The following SORCS2 variants were observed in gnomAD, a reference collection of about 807,000 sequenced individuals.
SORCS2 encodes VPS10 domain-containing receptor SorCS2.
A neutral mutation model predicts 141.6 loss-of-function variants in SORCS2; 100 were observed. That is an observed-to-expected ratio of 0.71 (90% CI 0.60 to 0.83). The LOEUF (loss-of-function observed/expected upper bound fraction) is 0.83, where lower values mean the gene tolerates loss of function less well. SORCS2 is among the 40% of genes least tolerant of loss of function. SORCS2 has a pLI of 0.00. For synonymous variants in SORCS2, 789 were observed against 676.9 expected, an observed-to-expected ratio of 1.17 and a Z score of -2.57; for missense variants, 1,646 against 1,560.2, an observed-to-expected ratio of 1.05 and a Z score of -0.93.
At chr4:7,451,360 C>G (rs1049006579) in intron 2 of SORCS2, among the ~76,000 whole-genome samples, 1 of 152,270 alleles carries the variant, frequency 6.6e-6, no homozygotes, top group Non-Finnish European at 1.5e-5. Context: ...GGCCAAGCCA[C>G]TGCCCTCCCT....
chr4:7,258,991 A>G (rs1183087249), intron 1 of SORCS2, among the ~76,000 whole-genome samples: 1 of 151,946 alleles, frequency 6.6e-6, no homozygotes, highest in African/African-American at 2.4e-5. Context: ...TTTTCTTATA[A>G]ATGTGTTTAA....
At chr4:7,444,842 A>G (rs1727888250) in intron 2 of SORCS2, among the ~76,000 whole-genome samples, 2 of 152,236 alleles carry the variant, frequency 1.3e-5, no homozygotes, top group South Asian at 4.1e-4. Flanking sequence ...TAGAGCCAAT[A>G]AACAGGATTT....
chr4:7,407,882 A>G (rs921475116), intron 2 of SORCS2, among the ~76,000 whole-genome samples: 1 of 152,128 alleles, frequency 6.6e-6, no homozygotes, highest in Non-Finnish European at 1.5e-5. Context: ...GGCTTATAAA[A>G]TCATATAGCA....
chr4:7,234,911 C>CG (rs1712155843), intron 1 of SORCS2, among the ~76,000 whole-genome samples: 1 of 152,236 alleles, frequency 6.6e-6, no homozygotes. Flanking sequence ...GCCAGGAGGC[C>CG]GGGGAAGGCC....
chr4:7,516,296 A>G (rs1477687019), intron 2 of SORCS2, among the ~76,000 whole-genome samples: 1 of 152,040 alleles, frequency 6.6e-6, no homozygotes, highest in African/African-American at 2.4e-5. Flanking sequence ...GGGCGTGGGG[A>G]GGGACGGCAG....
chr4:7,582,361 A>G (rs1417457449), intron 3 of SORCS2, among the ~76,000 whole-genome samples: 1 of 152,228 alleles, frequency 6.6e-6, no homozygotes, highest in East Asian at 1.9e-4. Context: ...GATTAAATAC[A>G]TCATGATTAT....
In SORCS2 at chr4:7,638,254, G is replaced by A. The variant is rs1475884616; in HGVS notation, c.649-74G>A. 2.7e-6 allele frequency: 4 copies of A among 1,465,144 alleles called. No individual in the cohort carries two copies. The Admixed American group carries it at 7.8e-5, about 28-fold the overall frequency. The allele number at this position is 1,465,144 out of a possible 1,614,324, so 90.8% of individuals were successfully genotyped here. ...AGGGAGAGAGGCGCACCTGGCCCAG[G>A]CCTCACAACACCTTTCTGGTGTCGG... On this transcript the variant is annotated intron_variant, in intron 3 of 26. Transcript: ENST00000507866.
At chr4:7,316,860 C>T (rs907917333) in intron 1 of SORCS2, among the ~76,000 whole-genome samples, 5 of 152,146 alleles carry the variant, frequency 3.3e-5, no homozygotes, top group African/African-American at 1.2e-4. Context: ...AGTGAGACCC[C>T]AGGGGCTGGT....
chr4:7,270,325 G>A (rs181908080), intron 1 of SORCS2, among the ~76,000 whole-genome samples: 30 of 152,374 alleles, frequency 2.0e-4, no homozygotes, highest in Non-Finnish European at 2.6e-4. Context: ...AGAAATAAAC[G>A]TCAAGTGGCA....
Position 7,653,317 on chromosome 4 carries a change from C to T in SORCS2, c.814-817C>T, listed in dbSNP as rs150180785. On this transcript the variant is annotated intron_variant, in intron 4 of 26. Transcript: ENST00000507866. Reference sequence around the variant, plus strand: ...GGAGTGCAGTGGTGTGATCTTGGCTCACTGCAACCTCCGCCTCCTGGGTTC... The same window carrying T: ...GGAGTGCAGTGGTGTGATCTTGGCTTACTGCAACCTCCGCCTCCTGGGTTC... Among the ~76,000 whole-genome samples the T allele has an allele frequency of 2.0e-3, 312 of 152,280 alleles. 1 individual carries two copies. The highest frequency in any genetic ancestry group is 7.1e-3 in the African/African-American group (294 of 41,548).
intron 2 of SORCS2, among the ~76,000 whole-genome samples, chr4:7,528,093 A>C (rs1733812682): frequency 7.6e-6 from 1 of 131,418 alleles, no homozygotes; most frequent in African/African-American, 2.7e-5. Flanking sequence ...TGTCACCCCC[A>C]TGATAGCAGG....
At chr4:7,320,626 C>A (rs1449237768) in intron 1 of SORCS2, among the ~76,000 whole-genome samples, 2 of 152,210 alleles carry the variant, frequency 1.3e-5, no homozygotes, top group Admixed American at 1.3e-4. Flanking sequence ...GAGGCTGTTT[C>A]CCAGTGGAAG....
intron 1 of SORCS2, among the ~76,000 whole-genome samples, chr4:7,388,870 G>A (rs1173978455): frequency 6.6e-6 from 1 of 151,736 alleles, no homozygotes; most frequent in Non-Finnish European, 1.5e-5. Flanking sequence ...TGGTGGATGC[G>A]TGGGTTATTT....
chr4:7,290,221 G>A (rs1402000894), intron 1 of SORCS2, among the ~76,000 whole-genome samples: 1 of 152,136 alleles, frequency 6.6e-6, no homozygotes, highest in Non-Finnish European at 1.5e-5. Context: ...CTCTTGTAAC[G>A]AACACATCTC....
At chr4:7,432,083 C>G (rs1231925494) in intron 2 of SORCS2, 2 of 152,466 alleles carry the variant, frequency 1.3e-5, no homozygotes, top group African/African-American at 4.8e-5. Flanking sequence ...TTAGGGGGGC[C>G]AAACAGCAGG....
intron 1 of SORCS2, among the ~76,000 whole-genome samples, chr4:7,284,748 C>T (rs1248865590): frequency 1.3e-5 from 2 of 152,156 alleles, no homozygotes; most frequent in Non-Finnish European, 2.9e-5. Context: ...ATTGCTACAA[C>T]CGGGTGGCTT....
intron 2 of SORCS2, among the ~76,000 whole-genome samples, chr4:7,448,448 C>A (rs968568435): frequency 6.7e-6 from 1 of 148,918 alleles, no homozygotes; most frequent in Non-Finnish European, 1.5e-5. Flanking sequence ...TCCCCTCCCT[C>A]GTCTCCTTCC....
intron 1 of SORCS2, among the ~76,000 whole-genome samples, chr4:7,362,723 CAGCACTATCACCATCATCACCACT>C (rs1721650672): frequency 1.3e-5 from 2 of 151,696 alleles, no homozygotes; most frequent in South Asian, 4.2e-4. Context: ...TCATTACCAC[CAGCACTATCACCATCATCACCACT>C]AACATCACCA....
chr4:7,626,758 A>G (rs541292919), intron 3 of SORCS2, among the ~76,000 whole-genome samples: 3 of 152,240 alleles, frequency 2.0e-5, no homozygotes, highest in African/African-American at 7.2e-5. Flanking sequence ...TTTTGCACTC[A>G]GCTGTAAGGC....
Sources: allele counts gnomAD v4.1 joint callset (sites outside exome capture counted in the v4.1 genomes callset), GRCh38; gene constraint gnomAD v4.1.1; transcripts MANE v1.5; gene names NCBI Gene and HGNC (gene_info 2026-07-23, HGNC 2026-07-21).